Variants in PUM2 observed in about 807,000 individuals in gnomAD.
The protein encoded by PUM2 is pumilio RNA binding family member 2.
A neutral mutation model predicts 124.5 loss-of-function variants in PUM2; 57 were observed. The ratio of observed to expected loss-of-function variants is 0.46; its 90% CI spans 0.37 to 0.57. The LOEUF (loss-of-function observed/expected upper bound fraction) is 0.57. Ranked by LOEUF, PUM2 falls within the 20% of genes least tolerant of loss-of-function variation. The pLI is 0.00. For missense variants in PUM2, 1,065 were observed against 1,290.6 expected, an observed-to-expected ratio of 0.83 and a Z score of 2.68; for synonymous variants, 460 against 446.1, an observed-to-expected ratio of 1.03 and a Z score of -0.39.
At chr2:20,272,425 A>G (rs1378424693) in intron 13 of PUM2, among the ~76,000 whole-genome samples, 1 of 152,212 alleles carries the variant, frequency 6.6e-6, no homozygotes, top group African/African-American at 2.4e-5. Context: ...TGCCCAAGTC[A>G]CTGAAACACC....
At chr2:20,256,294 ACT>A in intron 16 of PUM2, 124 bp from the exon 17 acceptor site, 1 of 891,122 alleles carries the variant, frequency 1.1e-6, no homozygotes, top group South Asian at 2.5e-5. Flanking sequence ...TATTAAAAAT[ACT>A]GAGATGGGAA....
At chr2:20,277,563 A>C (rs1340289871) in intron 13 of PUM2, among the ~76,000 whole-genome samples, 1 of 152,110 alleles carries the variant, frequency 6.6e-6, no homozygotes, top group Non-Finnish European at 1.5e-5. Context: ...GAACACTGCA[A>C]CAGATACCTT....
At chr2:20,344,180 G>A (rs773702355) in intron 1 of PUM2, among the ~76,000 whole-genome samples, 29 of 152,030 alleles carry the variant, frequency 1.9e-4, no homozygotes, top group African/African-American at 6.0e-4. Flanking sequence ...AGATCCTCGC[G>A]CCTCAGCCTC....
At chr2:20,293,694 T>C (rs974976105) in intron 9 of PUM2, among the ~76,000 whole-genome samples, 1 of 151,810 alleles carries the variant, frequency 6.6e-6, no homozygotes, top group Admixed American at 6.6e-5. Flanking sequence ...GGTGACAGAG[T>C]AAGACTGCTA....
rs1663270119 is a variant in PUM2, at chr2:20,251,450, G to C, written c.*135C>G. On this transcript the variant is annotated 3_prime_UTR_variant, in exon 21 of 21. Coordinates refer to ENST00000361078, the MANE Select transcript of PUM2 (RefSeq NM_015317.5). ...AAGAACCTTAAAAAATTTACAAATG[G>C]ATGAATAAAGTCAATAAATAGTTTT... The C allele has an allele frequency of 9.2e-7, 1 of 1,089,008 alleles. No homozygotes were observed. Among genetic ancestry groups the C allele is most frequent in the Non-Finnish European group, 1.3e-6 (1 of 781,862 alleles). The allele number at this position is 1,089,008 out of a possible 1,614,324, so 67.5% of individuals were successfully genotyped here. A position where few individuals can be genotyped will look rare whatever the true frequency, so the allele number is the denominator to read the frequency against.
At chr2:20,316,468 TC>T (rs1680960539) in intron 3 of PUM2, among the ~76,000 whole-genome samples, 1 of 152,102 alleles carries the variant, frequency 6.6e-6, no homozygotes, top group East Asian at 1.9e-4. Context: ...CTTTGGTTAT[TC>T]TGCAGAGCTT....
intron 1 of PUM2, among the ~76,000 whole-genome samples, chr2:20,347,198 G>A (rs1440042644): frequency 6.6e-6 from 1 of 152,162 alleles, no homozygotes; most frequent in South Asian, 2.1e-4. Flanking sequence ...ACTTACTAAT[G>A]AAACTATGCT....
chr2:20,310,355 A>T (rs1679334282), intron 5 of PUM2, among the ~76,000 whole-genome samples: 1 of 152,078 alleles, frequency 6.6e-6, no homozygotes, highest in Non-Finnish European at 1.5e-5. Context: ...CGTATATAGC[A>T]AAAATAGAGG....
intron 13 of PUM2, among the ~76,000 whole-genome samples, chr2:20,273,606 C>T (rs1237596355): frequency 6.6e-6 from 1 of 152,094 alleles, no homozygotes; most frequent in Non-Finnish European, 1.5e-5. Flanking sequence ...CAACTAGTAA[C>T]GTAATTTCTT....
At chr2:20,326,841 T>A (rs75276272) in intron 2 of PUM2, among the ~76,000 whole-genome samples, 1 of 152,192 alleles carries the variant, frequency 6.6e-6, no homozygotes, top group African/African-American at 2.4e-5. Flanking sequence ...CTTAATTCTA[T>A]GGCAGATAGC....
chr2:20,317,007 G>T lies in PUM2; in HGVS notation c.160+1530C>A, dbSNP rs1345595877. 3.3e-5 allele frequency among the ~76,000 whole-genome samples: 5 copies of T among 152,146 alleles called. No individual in the cohort carries two copies. The East Asian group carries it at 9.7e-4, about 29-fold the overall frequency. ...GACTGGGCCACTGCACTCCAGCCTG[G>T]GCCACAGAGCGAGACTCTGTCTCAG... On this transcript the variant is annotated intron_variant, in intron 3 of 20. Coordinates refer to ENST00000361078, the MANE Select transcript of PUM2 (RefSeq NM_015317.5).
intron 13 of PUM2, among the ~76,000 whole-genome samples, chr2:20,264,919 T>A (rs1000039942): frequency 4.6e-5 from 7 of 152,272 alleles, no homozygotes; most frequent in Admixed American, 1.3e-4. Flanking sequence ...TAGCTTTACT[T>A]TTTTTCATTG....
At chr2:20,309,877 A>G (rs912604422) in intron 5 of PUM2, among the ~76,000 whole-genome samples, 9 of 152,160 alleles carry the variant, frequency 5.9e-5, no homozygotes, top group African/African-American at 1.7e-4. Context: ...TCACTTAAAC[A>G]TCAACCATTT....
chr2:20,272,189 A>G (rs1402062428), intron 13 of PUM2, among the ~76,000 whole-genome samples: 2 of 147,106 alleles, frequency 1.4e-5, no homozygotes, highest in Non-Finnish European at 3.0e-5. Flanking sequence ...GAATGAATGA[A>G]TAAATAAATA....
Position 20,278,564 on chromosome 2 carries a change from GT to G in PUM2, c.1957+18del, listed in dbSNP as rs1670777526. The stretch of plus-strand genomic sequence containing the variant: ...ACATGTATACATACAAATAAAAAGG[GT>G]TTTGGTTTTTTTTTTACCTAAATGC... On this transcript the variant is annotated intron_variant, in intron 13 of 20. Transcript: ENST00000361078. The G allele has an allele frequency of 6.4e-7, 1 of 1,551,344 alleles. No homozygotes were observed. The highest frequency in any genetic ancestry group is 1.1e-5 in the South Asian group (1 of 89,146).
In PUM2 at chr2:20,345,034, G is replaced by A. The variant is rs1208556606; in HGVS notation, c.-19+5563C>T. 3.4e-5 allele frequency among the ~76,000 whole-genome samples: 5 copies of A among 148,932 alleles called. No individual in the cohort carries two copies. In the Admixed American group the frequency reaches 3.4e-4, roughly 10 times the overall value. ...AGAAGATTCCGCTTTACCTCTTGTG[G>A]AAAGCTTTTCCTGTCCCTGCAGTCT... On this transcript the variant is annotated intron_variant, in intron 1 of 20. Coordinates refer to ENST00000361078, the MANE Select transcript of PUM2 (RefSeq NM_015317.5).
At chr2:20,298,704 G>A (rs547603095) in intron 7 of PUM2, among the ~76,000 whole-genome samples, 15 of 152,088 alleles carry the variant, frequency 9.9e-5, no homozygotes, top group African/African-American at 3.4e-4. Context: ...CCCTGTCTCT[G>A]CTAAAAATAC....
intron 2 of PUM2, among the ~76,000 whole-genome samples, chr2:20,320,602 A>T (rs1452519598): frequency 1.3e-5 from 2 of 152,028 alleles, no homozygotes; most frequent in Non-Finnish European, 2.9e-5. Context: ...CATTTTTTTA[A>T]AAAAAGTTTT....
rs549183034 is a variant in PUM2 at position 20,278,838 on chromosome 2, A to G, written c.1721-19T>C. On this transcript the variant is annotated intron_variant, in intron 12 of 20. Transcript: ENST00000361078. Reference sequence around the variant, plus strand: ...CTGCCAACTGAAGAAGAAATAAAAAAAACCCTAATTACATACAGTGTTAAC... The same window carrying G: ...CTGCCAACTGAAGAAGAAATAAAAAGAACCCTAATTACATACAGTGTTAAC... 55 of 1,588,630 alleles carry G rather than the reference A, an allele frequency of 3.5e-5. 1 individual carries two copies. In the South Asian group the frequency reaches 6.0e-4, roughly 17 times the overall value.
Sources: gnomAD v4.1 joint callset for allele counts (sites outside exome capture counted in the v4.1 genomes callset) on GRCh38, gnomAD v4.1.1 for gene constraint, MANE v1.5 for transcripts, NCBI Gene and HGNC (gene_info 2026-07-23, HGNC 2026-07-21) for gene names.